DNAH9: variants seen among roughly 807,000 people sequenced by gnomAD.
DNAH9 encodes DNAH9 variant protein.
Under a neutral mutation model 471.6 loss-of-function variants are expected in DNAH9, and 345 were observed. The ratio of observed to expected loss-of-function variants is 0.73; its 90% confidence interval spans 0.67 to 0.80. The LOEUF is 0.80. Among genes scored for constraint, DNAH9 ranks in the 30% least tolerant of loss-of-function variants. The pLI, the probability that DNAH9 is intolerant of heterozygous loss-of-function variation, is 0.00. For missense variants in DNAH9, 5,407 were observed against 5,609.2 expected, an observed-to-expected ratio of 0.96 and a Z score of 1.15; for synonymous variants, 2,093 against 2,123.6, an observed-to-expected ratio of 0.99 and a Z score of 0.40.
At chr17:11,707,054 G>A (rs575040278) in intron 26 of DNAH9, among the ~76,000 whole-genome samples, 2 of 152,216 alleles carry the variant, frequency 1.3e-5, no homozygotes, top group Non-Finnish European at 2.9e-5. Context: ...CACAGGTAAA[G>A]GACAGTGAGG....
chr17:11,762,247 G>A (rs1683952480), intron 35 of DNAH9, among the ~76,000 whole-genome samples: 1 of 152,218 alleles, frequency 6.6e-6, no homozygotes, highest in African/African-American at 2.4e-5. Context: ...GGAAATGACT[G>A]TTAAGGTGTC....
chr17:11,733,367 T>A (rs2075297709), intron 28 of DNAH9, among the ~76,000 whole-genome samples: 1 of 152,056 alleles, frequency 6.6e-6, no homozygotes. Context: ...ACTGAGTGAG[T>A]CAGACACAAG....
intron 10 of DNAH9, among the ~76,000 whole-genome samples, chr17:11,643,817 C>T (rs1449219354): frequency 4.6e-5 from 7 of 152,222 alleles, no homozygotes; most frequent in Admixed American, 4.6e-4. Flanking sequence ...TCCCAGGCTA[C>T]AAACCTGTGC....
chr17:11,803,593 A>C (rs1969551236), intron 43 of DNAH9, among the ~76,000 whole-genome samples: 1 of 152,248 alleles, frequency 6.6e-6, no homozygotes, highest in Non-Finnish European at 1.5e-5. Context: ...ATTTAAATGC[A>C]GAGTTCTTTG....
chr17:11,733,674 A>G (rs4792163), intron 28 of DNAH9, among the ~76,000 whole-genome samples: 145,346 of 152,046 alleles, frequency 0.96, 69,816 homozygotes, highest in East Asian at 1. Context: ...TGGCTAACAC[A>G]GTGAAACCCC....
At chr17:11,819,575 GCCCAGC>G (rs1221708688) in intron 45 of DNAH9, among the ~76,000 whole-genome samples, 1 of 152,002 alleles carries the variant, frequency 6.6e-6, no homozygotes, top group Admixed American at 6.5e-5. Flanking sequence ...ACACCACCAT[GCCCAGC>G]TAATTGGCCA....
chr17:11,793,566 CA>C lies in DNAH9; in HGVS notation c.8126del (p.His2709LeufsTer12). 6.2e-7 allele frequency: 1 copy of C among 1,613,744 alleles called. No individual in the cohort carries two copies. Among genetic ancestry groups the C allele is most frequent in the Non-Finnish European group, 8.5e-7 (1 of 1,179,768 alleles). ...ATGGGATCTTATAAGGCTCTATCTG[CA>C]TGAATCAAATCGAGTTTATCGGGAT... is the stretch of plus-strand genomic sequence containing the variant. ...STWDLIRLYL[H>X]ESNRVYRDKM... On this transcript the variant is annotated frameshift_variant, in exon 42 of 69. Transcript: ENST00000262442. LOFTEE classifies it high-confidence loss of function.
At chr17:11,761,843 T>G (rs990945473) in intron 35 of DNAH9, among the ~76,000 whole-genome samples, 2 of 152,096 alleles carry the variant, frequency 1.3e-5, no homozygotes, top group African/African-American at 4.8e-5. Flanking sequence ...GTACTCTGAT[T>G]GCTAATTTCC....
chr17:11,749,086 GTTTTTT>G (rs1357238487), intron 32 of DNAH9, among the ~76,000 whole-genome samples: 3 of 20,526 alleles, frequency 1.5e-4, no homozygotes, highest in African/African-American at 2.9e-4. Context: ...TTTTTTTTTT[GTTTTTT>G]TTTTTTTTTT....
chr17:11,669,552 G>A lies in DNAH9; in HGVS notation c.3111G>A (p.Pro1037=), dbSNP rs1204675458. The change falls in exon 17 of 69, where the codon CCG becomes CCA. Residue 1037 remains proline, a synonymous_variant. Coordinates refer to ENST00000262442, the MANE Select transcript of DNAH9 (RefSeq NM_001372.4). ...QFLLYGHILT[P]EEIEDHVEDG... ...TGCTGTACGGGCACATCCTCACTCC[G>A]GAAGAAATTGAAGACCATGTGGAAG... The A allele has an allele frequency of 1.2e-5, 20 of 1,614,002 alleles. No homozygotes were observed. The highest frequency in any genetic ancestry group is 8.9e-5 in the East Asian group (4 of 44,894).
chr17:11,752,576 A>G (rs977740812), intron 32 of DNAH9, among the ~76,000 whole-genome samples: 1 of 152,222 alleles, frequency 6.6e-6, no homozygotes, highest in African/African-American at 2.4e-5. Context: ...CTGAGGCAGG[A>G]CAATCGCTTG....
At chr17:11,599,045 A>T in intron 1 of DNAH9, 130 bp downstream of exon 1, 1 of 760,254 alleles carries the variant, frequency 1.3e-6, no homozygotes, top group South Asian at 2.2e-5. Context: ...GCGGAGTGAT[A>T]GGCAGAGGGG....
intron 42 of DNAH9, among the ~76,000 whole-genome samples, chr17:11,796,424 A>G (rs1969242930): frequency 1.3e-5 from 2 of 152,250 alleles, no homozygotes; most frequent in Admixed American, 1.3e-4. Flanking sequence ...TCAAAATCTA[A>G]TAACTTTTTT....
At chr17:11,758,530 C>T (rs1019099672) in intron 35 of DNAH9, among the ~76,000 whole-genome samples, 4 of 152,102 alleles carry the variant, frequency 2.6e-5, no homozygotes, top group African/African-American at 9.7e-5. Flanking sequence ...TTATGTTTCC[C>T]GGAAACTAAA....
intron 35 of DNAH9, among the ~76,000 whole-genome samples, chr17:11,761,037 A>T (rs1312739707): frequency 6.6e-6 from 1 of 152,236 alleles, no homozygotes; most frequent in Non-Finnish European, 1.5e-5. Context: ...GCAGGCCCAT[A>T]AGGGGCAATT....
chr17:11,842,036 G>A (rs1426949034), intron 49 of DNAH9, among the ~76,000 whole-genome samples: 2 of 151,898 alleles, frequency 1.3e-5, no homozygotes, highest in Admixed American at 6.6e-5. Flanking sequence ...CTTGGTATAT[G>A]TATGTTATAA....
chr17:11,608,552 C>T (rs1172299287), intron 2 of DNAH9, among the ~76,000 whole-genome samples: 4 of 152,192 alleles, frequency 2.6e-5, no homozygotes, highest in Non-Finnish European at 5.9e-5. Context: ...GCTATTACAG[C>T]AATATGGCCT....
At chr17:11,905,220 G>A (rs986013552) in intron 60 of DNAH9, among the ~76,000 whole-genome samples, 6 of 132,944 alleles carry the variant, frequency 4.5e-5, no homozygotes, top group East Asian at 4.2e-4. Flanking sequence ...GGGACAGAGC[G>A]AGAATCCATC....
chr17:11,930,068 A>G lies in DNAH9; in HGVS notation c.12080A>G (p.His4027Arg), dbSNP rs775867493. 9 of 1,614,020 alleles carry G rather than the reference A, an allele frequency of 5.6e-6. No individual in the cohort carries two copies. The highest frequency in any genetic ancestry group is 7.6e-6 in the Non-Finnish European group (9 of 1,180,008). Reference sequence around the variant, plus strand: ...CCCACGGGCATGCATGCCAACCTGCACAAGGCCCTGGACAACTTCACTCAG... The same window carrying G: ...CCCACGGGCATGCATGCCAACCTGCGCAAGGCCCTGGACAACTTCACTCAG... ...EPPTGMHANL[H>R]KALDNFTQDT... Residue 4027 changes from histidine to arginine, a missense_variant, in exon 63 of 69, where the codon CAC becomes CGC. By Grantham distance (29) the His-to-Arg change is conservative (BLOSUM62 0). Coordinates refer to ENST00000262442, the MANE Select transcript of DNAH9 (RefSeq NM_001372.4).
Sources: allele counts gnomAD v4.1 joint callset (sites outside exome capture counted in the v4.1 genomes callset), GRCh38; gene constraint gnomAD v4.1.1; transcripts MANE v1.5; gene names NCBI Gene and HGNC (gene_info 2026-07-23, HGNC 2026-07-21).